Variants in AGBL1 observed in about 807,000 individuals in gnomAD.
AGBL1 encodes the protein cytosolic carboxypeptidase 4.
Under a neutral mutation model 118.9 loss-of-function variants are expected in AGBL1, and 130 were observed. The ratio of observed to expected loss-of-function variants is 1.09; its 90% confidence interval spans 0.95 to 1.26. The LOEUF (loss-of-function observed/expected upper bound fraction) is 1.26, where lower values mean the gene tolerates loss of function less well. Ranked by LOEUF, AGBL1 falls within the 50% of genes most tolerant of loss-of-function variation. The pLI is 0.00. For synonymous variants in AGBL1, 555 were observed against 478.9 expected (o/e 1.16, Z -2.08); for missense variants, 1,584 against 1,298.1 (o/e 1.22, Z -3.38).
At chr15:86,508,757 T>C (rs1179920222) in intron 18 of AGBL1, among the ~76,000 whole-genome samples, 1 of 152,164 alleles carries the variant, frequency 6.6e-6, no homozygotes, top group African/African-American at 2.4e-5. Context: ...TCAATAAACA[T>C]ACAAGATGCA....
In AGBL1 at chr15:86,547,559, T is replaced by G. The variant is rs143941031; in HGVS notation, c.2817+1426T>G. 7.9e-4 allele frequency among the ~76,000 whole-genome samples: 120 copies of G among 152,296 alleles called. 1 individual carries two copies. Among genetic ancestry groups the G allele is most frequent in the African/African-American group, 2.8e-3 (117 of 41,584 alleles). ...TTTGTGAATAATTCATACTGTTTAATTAATAAATTCAAAACACATTTTGAG... is the reference window on the plus strand; with the variant it reads ...TTTGTGAATAATTCATACTGTTTAAGTAATAAATTCAAAACACATTTTGAG... On this transcript the variant is annotated intron_variant, in intron 20 of 22. Coordinates refer to ENST00000614907, the MANE Select transcript of AGBL1 (RefSeq NM_001386094.1).
At chr15:86,793,111 A>T (rs1166582288) in intron 22 of AGBL1, among the ~76,000 whole-genome samples, 2 of 152,208 alleles carry the variant, frequency 1.3e-5, no homozygotes, top group African/African-American at 2.4e-5. Context: ...AAAAATGGTA[A>T]CAAAAATTTT....
At chr15:86,378,900 GTT>G (rs113439108) in intron 17 of AGBL1, among the ~76,000 whole-genome samples, 4 of 144,112 alleles carry the variant, frequency 2.8e-5, no homozygotes, top group South Asian at 2.2e-4. Flanking sequence ...GATCACTTTA[GTT>G]TTTTTTTTTT....
intron 1 of AGBL1, among the ~76,000 whole-genome samples, chr15:86,110,899 G>A (rs1785813157): frequency 6.6e-6 from 1 of 152,152 alleles, no homozygotes; most frequent in Non-Finnish European, 1.5e-5. Flanking sequence ...GCAGAGGTTT[G>A]TTTAGTAAAC....
At chr15:86,409,210 C>G (rs1737566810) in intron 18 of AGBL1, among the ~76,000 whole-genome samples, 2 of 152,144 alleles carry the variant, frequency 1.3e-5, no homozygotes, top group South Asian at 4.1e-4. Context: ...GCACTTGGTG[C>G]AACCGTCCAA....
chr15:86,473,659 AT>A (rs2082512681), intron 18 of AGBL1, among the ~76,000 whole-genome samples: 1 of 152,220 alleles, frequency 6.6e-6, no homozygotes, highest in African/African-American at 2.4e-5. Flanking sequence ...CATAGAAGGC[AT>A]TTTATCATAG....
intron 6 of AGBL1, among the ~76,000 whole-genome samples, chr15:86,234,593 A>G (rs564005234): frequency 2.0e-5 from 3 of 151,746 alleles, no homozygotes; most frequent in African/African-American, 7.3e-5. Context: ...ACAGTGGAGA[A>G]TAGCACTTGC....
At chr15:86,962,105 A>T (rs2080998642) in intron 23 of AGBL1, among the ~76,000 whole-genome samples, 1 of 152,162 alleles carries the variant, frequency 6.6e-6, no homozygotes, top group Non-Finnish European at 1.5e-5. Context: ...TCAATTCTCA[A>T]ATTCAATTAT....
chr15:86,784,921 T>C (rs1243568296), intron 22 of AGBL1, among the ~76,000 whole-genome samples: 1 of 152,094 alleles, frequency 6.6e-6, no homozygotes, highest in Non-Finnish European at 1.5e-5. Context: ...TTATTCAAAA[T>C]AAGATTATTA....
chr15:86,817,565 GA>G (rs1369388376), intron 22 of AGBL1, among the ~76,000 whole-genome samples: 1 of 86,746 alleles, frequency 1.2e-5, no homozygotes, highest in Non-Finnish European at 2.5e-5. Context: ...AGGAGAGAGA[GA>G]AAGAGACAGA....
chr15:86,420,213 G>T (rs1194990695), intron 18 of AGBL1, among the ~76,000 whole-genome samples: 4 of 152,200 alleles, frequency 2.6e-5, no homozygotes, highest in African/African-American at 9.6e-5. Flanking sequence ...TCACACAGGA[G>T]AGCTTCGGCT....
intron 22 of AGBL1, among the ~76,000 whole-genome samples, chr15:86,868,743 T>TC (rs1377004734): frequency 6.6e-6 from 1 of 152,182 alleles, no homozygotes; most frequent in African/African-American, 2.4e-5. Context: ...TGGGCTTATG[T>TC]CCAACAAAAC....
intron 17 of AGBL1, chr15:86,296,584 G>A (rs1417695373): frequency 6.6e-6 from 1 of 152,182 alleles, no homozygotes; most frequent in African/African-American, 2.4e-5. Context: ...TGGTAGATCG[G>A]AATTATATTT....
intron 22 of AGBL1, among the ~76,000 whole-genome samples, chr15:86,882,535 C>T (rs1452357309): frequency 1.3e-5 from 2 of 152,148 alleles, no homozygotes; most frequent in African/African-American, 2.4e-5. Flanking sequence ...TTAAGCTTCA[C>T]TGTTTTTCAT....
chr15:86,651,608 A>G (rs1450018349), intron 21 of AGBL1, among the ~76,000 whole-genome samples: 3 of 152,156 alleles, frequency 2.0e-5, no homozygotes, highest in Non-Finnish European at 4.4e-5. Context: ...TGGCTCCTGG[A>G]GCATTGACGT....
chr15:86,221,418 A>G (rs1471715160), intron 5 of AGBL1, among the ~76,000 whole-genome samples: 1 of 152,186 alleles, frequency 6.6e-6, no homozygotes, highest in East Asian at 1.9e-4. Flanking sequence ...TTAGCAGCTT[A>G]AGCTTTTGCT....
At chr15:86,359,387 CTTTTTTTTTTTTTTT>C in intron 17 of AGBL1, among the ~76,000 whole-genome samples, 2 of 93,792 alleles carry the variant, frequency 2.1e-5, no homozygotes, top group East Asian at 3.5e-4. Context: ...TATTGGTTTT[CTTTTTTTTTTTTTTT>C]TTTTTTTTTG....
intron 21 of AGBL1, among the ~76,000 whole-genome samples, chr15:86,563,558 T>A (rs1360327355): frequency 1.6e-5 from 1 of 63,552 alleles, no homozygotes; most frequent in African/African-American, 6.2e-5. Context: ...GTGCTTTACT[T>A]CCAACTATGG....
chr15:86,835,128 C>CT (rs1026351385), intron 22 of AGBL1, among the ~76,000 whole-genome samples: 49 of 152,052 alleles, frequency 3.2e-4, no homozygotes, highest in African/African-American at 1.1e-3. Context: ...GCCTCAGGCT[C>CT]TTTTTTCTGG....
Sources: allele counts gnomAD v4.1 joint callset (sites outside exome capture counted in the v4.1 genomes callset), GRCh38; gene constraint gnomAD v4.1.1; transcripts MANE v1.5; gene names NCBI Gene and HGNC (gene_info 2026-07-23, HGNC 2026-07-21).